Variants in AEBP2 observed in about 807,000 individuals in gnomAD.
AEBP2 encodes the protein AE binding protein 2, also known as zinc finger protein AEBP2.
A neutral mutation model predicts 50.8 loss-of-function variants in AEBP2; 10 were observed. That is an observed-to-expected ratio of 0.20 (90% CI 0.12 to 0.33). The LOEUF (loss-of-function observed/expected upper bound fraction) is 0.33. AEBP2 is among the 10% of genes least tolerant of loss of function. The probability of loss-of-function intolerance (pLI) is 1.00; values close to 1 mark genes in which losing one functional copy is unlikely to be tolerated. For synonymous variants in AEBP2, 296 were observed against 261.3 expected (o/e 1.13, Z -1.28); for missense variants, 570 against 688.0 (o/e 0.83, Z 1.92).
At chr12:19,436,834 A>T (rs1180939163), upstream of AEBP2, among the ~76,000 whole-genome samples, 1 of 152,042 alleles carries the variant, frequency 6.6e-6, no homozygotes, top group Non-Finnish European at 1.5e-5. Flanking sequence ...TCCTGGGCTC[A>T]AGTGATCCCC....
intron 3 of AEBP2, among the ~76,000 whole-genome samples, chr12:19,485,291 A>G (rs1017792957): frequency 2.0e-5 from 3 of 152,212 alleles, no homozygotes; most frequent in African/African-American, 7.2e-5. Context: ...AAAAAAAGTT[A>G]AGGTATATGA....
chr12:19,506,655 G>A (rs1949159396), intron 5 of AEBP2, among the ~76,000 whole-genome samples: 1 of 152,094 alleles, frequency 6.6e-6, no homozygotes, highest in Admixed American at 6.6e-5. Flanking sequence ...CCTCATGCAG[G>A]CTTTAACATG....
intron 3 of AEBP2, among the ~76,000 whole-genome samples, chr12:19,483,650 A>G (rs1948763485): frequency 6.6e-6 from 1 of 151,920 alleles, no homozygotes; most frequent in African/African-American, 2.4e-5. Context: ...TTTTGAATAT[A>G]CTTTATGCTG....
intron 1 of AEBP2, among the ~76,000 whole-genome samples, chr12:19,416,685 G>T (rs952161666): frequency 6.7e-6 from 1 of 150,000 alleles, no homozygotes; most frequent in Admixed American, 6.7e-5. Flanking sequence ...GTGCAGTGGC[G>T]TGATCTCAAC....
intron 5 of AEBP2, among the ~76,000 whole-genome samples, chr12:19,501,331 CAAA>C (rs568690588): frequency 2.4e-5 from 2 of 82,176 alleles, no homozygotes; most frequent in African/African-American, 4.5e-5. Flanking sequence ...AACTCCATCT[CAAA>C]AAAAAAAAAA....
chr12:19,426,204 G>A (rs2095748456), intron 1 of AEBP2, among the ~76,000 whole-genome samples: 1 of 152,030 alleles, frequency 6.6e-6, no homozygotes, highest in Non-Finnish European at 1.5e-5. Context: ...CAAAGTGCTG[G>A]GATTACAGGC....
intron 1 of AEBP2, among the ~76,000 whole-genome samples, chr12:19,449,551 C>G (rs1224850765): frequency 1.3e-5 from 2 of 152,166 alleles, no homozygotes; most frequent in Non-Finnish European, 2.9e-5. Flanking sequence ...ATCATTGTTG[C>G]ATAAAGTCCC....
intron 5 of AEBP2, among the ~76,000 whole-genome samples, chr12:19,508,314 G>A (rs773502727): frequency 6.6e-6 from 1 of 152,142 alleles, no homozygotes; most frequent in Admixed American, 6.6e-5. Context: ...TCCTGCCTCA[G>A]CCTCCCAAAG....
chr12:19,467,530 G>A (rs1319779355), intron 2 of AEBP2, among the ~76,000 whole-genome samples: 3 of 151,674 alleles, frequency 2.0e-5, no homozygotes, highest in Non-Finnish European at 4.4e-5. Flanking sequence ...CTGACCTCAG[G>A]TGATCCACCC....
intron 1 of AEBP2, among the ~76,000 whole-genome samples, chr12:19,440,934 A>G (rs1171772247): frequency 6.6e-6 from 1 of 152,206 alleles, no homozygotes; most frequent in Non-Finnish European, 1.5e-5. Flanking sequence ...GTAGTCAGTC[A>G]TGTGGTCTCC....
intron 1 of AEBP2, among the ~76,000 whole-genome samples, chr12:19,431,486 C>G (rs527286868): frequency 1.3e-5 from 2 of 152,232 alleles, no homozygotes; most frequent in South Asian, 2.1e-4. Flanking sequence ...ATGCTATTCA[C>G]CTTTCACATT....
chr12:19,425,300 C>T (rs79841690), intron 1 of AEBP2, among the ~76,000 whole-genome samples: 1 of 152,270 alleles, frequency 6.6e-6, no homozygotes, highest in East Asian at 1.9e-4. Flanking sequence ...ACTGTTAATA[C>T]CTCTATAACA....
At chr12:19,416,482 T>G (rs939295616) in intron 1 of AEBP2, among the ~76,000 whole-genome samples, 6 of 152,096 alleles carry the variant, frequency 3.9e-5, no homozygotes, top group African/African-American at 1.4e-4. Context: ...CTTGGCTCAC[T>G]GCAACCTCCG....
intron 1 of AEBP2, among the ~76,000 whole-genome samples, chr12:19,423,843 A>G (rs2095747114): frequency 6.6e-6 from 1 of 152,224 alleles, no homozygotes. Context: ...TCTGTCTCAA[A>G]AACAAATAAA....
intron 3 of AEBP2, among the ~76,000 whole-genome samples, chr12:19,478,898 A>G (rs150599114): frequency 8.1e-4 from 124 of 152,234 alleles, no homozygotes; most frequent in African/African-American, 2.9e-3. Flanking sequence ...CATATGGTCT[A>G]TCTTGGTCTA....
chr12:19,514,197 A>G (rs1187300094), intron 6 of AEBP2, among the ~76,000 whole-genome samples: 4 of 151,714 alleles, frequency 2.6e-5, no homozygotes, highest in Non-Finnish European at 5.9e-5. Flanking sequence ...ATGGGGTTTC[A>G]CCATGTTGGC....
chr12:19,442,584 A>G (rs1386513013), intron 1 of AEBP2, among the ~76,000 whole-genome samples: 9 of 152,226 alleles, frequency 5.9e-5, no homozygotes, highest in Non-Finnish European at 1.5e-5. Flanking sequence ...ATTTCAGAAT[A>G]AGAAGTAAAA....
At chr12:19,506,795 G>A (rs949695990) in intron 5 of AEBP2, among the ~76,000 whole-genome samples, 2 of 152,188 alleles carry the variant, frequency 1.3e-5, no homozygotes, top group African/African-American at 4.8e-5. Context: ...GTGGAGATAA[G>A]GGTTGGATTC....
At chr12:19,416,897 A>T (rs2095742896) in intron 1 of AEBP2, among the ~76,000 whole-genome samples, 1 of 141,588 alleles carries the variant, frequency 7.1e-6, no homozygotes, top group African/African-American at 2.6e-5. Context: ...TTTGAGTTGG[A>T]ATCTCGCTCT....
Sources: allele counts gnomAD v4.1 joint callset (sites outside exome capture counted in the v4.1 genomes callset), GRCh38; gene constraint gnomAD v4.1.1; transcripts MANE v1.5; gene names NCBI Gene and HGNC (gene_info 2026-07-23, HGNC 2026-07-21).